Variants in SCN8A observed in about 807,000 individuals in gnomAD.
SCN8A encodes the protein sodium voltage-gated channel alpha subunit 8.
In SCN8A, 30 loss-of-function variants were observed where a neutral mutation model predicts 184.1. That is an observed-to-expected ratio of 0.16 (90% CI 0.12 to 0.22). SCN8A has a LOEUF of 0.22. Ranked by LOEUF, SCN8A falls within the 10% of genes least tolerant of loss-of-function variation. SCN8A has a pLI of 1.00. For synonymous variants in SCN8A, 852 were observed against 907.0 expected, an observed-to-expected ratio of 0.94 and a Z score of 1.09; for missense variants, 1,057 against 2,498.9, an observed-to-expected ratio of 0.42 and a Z score of 12.30.
At chr12:51,712,363 C>A (rs1272010693) in intron 11 of SCN8A, 1 of 646,102 alleles carries the variant, frequency 1.5e-6, no homozygotes, top group African/African-American at 1.8e-5. Flanking sequence ...TACAGTTCCT[C>A]TAATGCATTT....
chr12:51,780,157 C>T, intron 20 of SCN8A: 1 of 448,622 alleles, frequency 2.2e-6, no homozygotes, highest in South Asian at 1.6e-5. Flanking sequence ...GAGGAGGGGG[C>T]AGCTTGTGTG....
At chr12:51,634,579 G>A (rs966614979) in intron 1 of SCN8A, among the ~76,000 whole-genome samples, 1 of 151,192 alleles carries the variant, frequency 6.6e-6, no homozygotes, top group Admixed American at 6.6e-5. Flanking sequence ...GCTCATAGAC[G>A]GTTTTTAATT....
chr12:51,701,403 C>T (rs953355439), intron 8 of SCN8A, among the ~76,000 whole-genome samples, 196 bp downstream of exon 8: 1 of 152,206 alleles, frequency 6.6e-6, no homozygotes, highest in Non-Finnish European at 1.5e-5. Flanking sequence ...CTAGTAAGTG[C>T]CTGTGCTTGT....
chr12:51,659,917 T>C (rs997009618), intron 1 of SCN8A, among the ~76,000 whole-genome samples: 2 of 152,286 alleles, frequency 1.3e-5, no homozygotes, highest in African/African-American at 4.8e-5. Context: ...GAATAGTTTT[T>C]AAATGCTTTA....
rs771875841 is a variant in SCN8A, at chr12:51,789,331, T to C, written c.4332T>C (p.Phe1444=). Residue 1444 remains phenylalanine (F), a synonymous_variant, in exon 24 of 27, where the codon TTT becomes TTC. Transcript: ENST00000627620. The part of the protein sequence containing the change: ...YEDNIYMYIY[F]VIFIIFGSFF... ...ACAATATCTACATGTACATCTATTT[T>C]GTCATCTTCATCATCTTCGGCTCCT... 11 of 1,614,004 alleles carry C rather than the reference T, an allele frequency of 6.8e-6. No homozygotes were observed. Among genetic ancestry groups the C allele is most frequent in the Non-Finnish European group, 8.5e-6 (10 of 1,179,866 alleles).
rs1294476820 is a variant in SCN8A, at chr12:51,808,406, T to C, written c.*977T>C. The C allele has an allele frequency of 1.3e-5, 2 of 152,588 alleles. No homozygotes were observed. The highest frequency in any genetic ancestry group is 2.9e-5 in the Non-Finnish European group (2 of 68,030). 9.5% of individuals were successfully genotyped at this position (152,588 alleles called of 1,614,324 possible). The stretch of plus-strand genomic sequence containing the variant: ...CTAACATACAGCCATTGTTGCACAT[T>C]TTGCAAGATGAACTATTTAATGCTG... On this transcript the variant is annotated 3_prime_UTR_variant, in exon 27 of 27. Coordinates refer to ENST00000627620, the MANE Select transcript of SCN8A (RefSeq NM_001330260.2).
At chr12:51,697,161 A>G (rs1423726445) in intron 6 of SCN8A, among the ~76,000 whole-genome samples, 1 of 152,106 alleles carries the variant, frequency 6.6e-6, no homozygotes, top group Non-Finnish European at 1.5e-5. Flanking sequence ...TGAGGAGAAA[A>G]ATAATCAGAT....
chr12:51,702,525 G>C (rs1181180481), intron 8 of SCN8A, among the ~76,000 whole-genome samples: 1 of 152,116 alleles, frequency 6.6e-6, no homozygotes, highest in African/African-American at 2.4e-5. Context: ...CCTAGTTTGG[G>C]TAAGGATGCA....
intron 3 of SCN8A, 118 bp from the exon 4 acceptor site, chr12:51,686,250 G>A: frequency 2.9e-6 from 2 of 690,524 alleles, no homozygotes; most frequent in Non-Finnish European, 5.1e-6. Context: ...TTTCTCTTCT[G>A]TGCTTCATCT....
intron 21 of SCN8A, among the ~76,000 whole-genome samples, chr12:51,784,730 T>C (rs922771491): frequency 6.6e-6 from 1 of 152,172 alleles, no homozygotes; most frequent in African/African-American, 2.4e-5. Context: ...TCTATATACT[T>C]TATGAGAATA....
chr12:51,614,762 G>A (rs540239093), intron 1 of SCN8A, among the ~76,000 whole-genome samples: 26 of 148,196 alleles, frequency 1.8e-4, no homozygotes, highest in Non-Finnish European at 3.0e-4. Flanking sequence ...GTGGGTTTCT[G>A]GTAGATAGCA....
chr12:51,649,195 TG>T (rs1565873336), intron 1 of SCN8A, among the ~76,000 whole-genome samples: 2 of 152,260 alleles, frequency 1.3e-5, no homozygotes, highest in African/African-American at 4.8e-5. Context: ...CCCATGGTTT[TG>T]GGCTGCTCCA....
At chr12:51,677,617 T>A (rs1006058850) in intron 2 of SCN8A, among the ~76,000 whole-genome samples, 1 of 152,154 alleles carries the variant, frequency 6.6e-6, no homozygotes, top group African/African-American at 2.4e-5. Context: ...AGAGAAGATA[T>A]CTTACCCTGA....
At chr12:51,594,046 C>G (rs1319086858) in intron 1 of SCN8A, among the ~76,000 whole-genome samples, 2 of 152,172 alleles carry the variant, frequency 1.3e-5, no homozygotes, top group African/African-American at 4.8e-5. Flanking sequence ...GCACTTGACA[C>G]AGCAGAGGTC....
chr12:51,782,101 C>T (rs112095006), intron 21 of SCN8A, among the ~76,000 whole-genome samples: 4 of 152,342 alleles, frequency 2.6e-5, no homozygotes, highest in African/African-American at 9.6e-5. Flanking sequence ...GTAGCACAGT[C>T]ACAGTTTGGT....
chr12:51,782,708 C>T (rs985328360), intron 21 of SCN8A, among the ~76,000 whole-genome samples: 2 of 152,210 alleles, frequency 1.3e-5, no homozygotes, highest in Non-Finnish European at 2.9e-5. Flanking sequence ...CAGAAGCAGT[C>T]CTCATGGCCG....
At position 51,721,823 on chromosome 12, in the gene SCN8A, A is replaced by G; in HGVS notation, c.1913A>G (p.Lys638Arg). 3 of 1,606,770 alleles carry G rather than the reference A, an allele frequency of 1.9e-6. No individual in the cohort carries two copies. The highest frequency in any genetic ancestry group is 2.5e-6 in the Non-Finnish European group (3 of 1,179,632). ...RIFPSLRRSVKRNSTVDCNGV... is the reference protein window; with the variant it reads ...RIFPSLRRSVRRNSTVDCNGV... ...TTCCCCAGCCTGCGGCGCAGCGTGA[A>G]GCGCAACAGCACGGTGGACTGCAAC... The change falls in exon 12 of 27, where the codon AAG (lysine) becomes AGG (arginine). Residue 638 changes from lysine (K) to arginine (R), a missense_variant. Lys to Arg is a conservative substitution (Grantham distance 26). Around this residue, in one of 19 missense-constraint regions of SCN8A, gnomAD observed 322 missense variants for 390.1 expected, o/e 0.83. Transcript: ENST00000627620.
chr12:51,745,846 G>A lies in SCN8A; in HGVS notation c.1999-57G>A. The stretch of plus-strand genomic sequence containing the variant: ...TGGACTGTGTATCAAGTAAGGCCCA[G>A]ATTTACCTTTATAGACTTAACTCAC... On this transcript the variant is annotated intron_variant, in intron 12 of 26. Transcript: ENST00000627620. 2.1e-6 allele frequency: 3 copies of A among 1,435,612 alleles called. No individual in the cohort carries two copies. The East Asian group carries it at 7.1e-5, about 34-fold the overall frequency. 88.9% of individuals were successfully genotyped at this position (1,435,612 alleles called of 1,614,324 possible). A position where few individuals can be genotyped will look rare whatever the true frequency, so the allele number is the denominator to read the frequency against.
At chr12:51,622,330 A>G (rs998816288) in intron 1 of SCN8A, among the ~76,000 whole-genome samples, 5 of 152,150 alleles carry the variant, frequency 3.3e-5, no homozygotes, top group African/African-American at 4.8e-5. Flanking sequence ...TCCACACTTT[A>G]TTTGGATTTT....
Sources: gnomAD v4.1 joint callset for allele counts (sites outside exome capture counted in the v4.1 genomes callset) on GRCh38, gnomAD v4.1.1 for gene constraint, gnomAD v4.1.1 regional missense constraint, MANE v1.5 for transcripts, NCBI Gene and HGNC (gene_info 2026-07-23, HGNC 2026-07-21) for gene names.